UBE3B: variants seen among roughly 807,000 people sequenced by gnomAD.
UBE3B encodes ubiquitin-protein ligase E3B.
UBE3B carries 80 observed loss-of-function variants against 132.3 expected under a neutral mutation model. The observed-to-expected ratio is 0.60, with a 90% CI of 0.50 to 0.73. The LOEUF (loss-of-function observed/expected upper bound fraction) is 0.73. UBE3B is among the 30% of genes least tolerant of loss of function. The pLI, the probability that UBE3B is intolerant of heterozygous loss-of-function variation, is 0.00. For missense variants in UBE3B, 1,196 were observed against 1,362.5 expected, an observed-to-expected ratio of 0.88 and a Z score of 1.92; for synonymous variants, 487 against 520.4, an observed-to-expected ratio of 0.94 and a Z score of 0.87.
intron 18 of UBE3B, among the ~76,000 whole-genome samples, chr12:109,511,580 C>T (rs1388974411): frequency 6.6e-6 from 1 of 152,030 alleles, no homozygotes; most frequent in Non-Finnish European, 1.5e-5. Flanking sequence ...AAGGGTCCCA[C>T]GGGCAAAAGT....
At chr12:109,518,920 C>T (rs1881375927) in intron 19 of UBE3B, among the ~76,000 whole-genome samples, 1 of 152,128 alleles carries the variant, frequency 6.6e-6, no homozygotes, top group Admixed American at 6.5e-5. Flanking sequence ...AGCCCAGGGG[C>T]CTTTGCTGGA....
intron 13 of UBE3B, among the ~76,000 whole-genome samples, 190 bp from the exon 14 acceptor site, chr12:109,502,833 G>A (rs966637325): frequency 6.6e-6 from 1 of 152,308 alleles, no homozygotes; most frequent in Non-Finnish European, 1.5e-5. Context: ...AGATCTTTGG[G>A]TTGTACCTAA....
intron 18 of UBE3B, among the ~76,000 whole-genome samples, chr12:109,516,290 A>G (rs1333682625): frequency 5.5e-5 from 8 of 145,092 alleles, no homozygotes; most frequent in African/African-American, 1.5e-4. Context: ...TCCTGCCTCA[A>G]CCTCCCAAGT....
chr12:109,534,738 C>G lies in UBE3B; in HGVS notation c.3163C>G (p.Leu1055Val), dbSNP rs759788668. ...YSKKSVLREK[L>V]RYAISMNTGF... ...CAAGAAGAGCGTCCTCCGCGAGAAG[C>G]TGCGCTACGCCATCAGCATGAACAC... Residue 1055 changes from leucine (L) to valine (V), a missense_variant, in exon 28 of 28, where the codon CTG becomes GTG. Transcript: ENST00000342494. This position sits in a 1 kb window ranked among gnomAD's most constrained non-coding sequence, Gnocchi z 5.2. The G allele has an allele frequency of 6.3e-7, 1 of 1,591,504 alleles. No homozygotes were observed. Among genetic ancestry groups the G allele is most frequent in the South Asian group, 1.1e-5 (1 of 87,382 alleles).
chr12:109,490,521 C>T, intron 8 of UBE3B: 1 of 1,536,032 alleles, frequency 6.5e-7, no homozygotes, highest in Non-Finnish European at 8.7e-7. Flanking sequence ...GATTTGGTTT[C>T]ATATGCTCCT....
chr12:109,500,339 A>G (rs756382904), intron 12 of UBE3B, among the ~76,000 whole-genome samples: 2 of 152,192 alleles, frequency 1.3e-5, no homozygotes, highest in Non-Finnish European at 2.9e-5. Flanking sequence ...TGAAATATCT[A>G]CCTGAGCTGA....
chr12:109,509,238 A>G (rs770214667), intron 15 of UBE3B: 20 of 154,892 alleles, frequency 1.3e-4, no homozygotes, highest in Non-Finnish European at 2.1e-4. Flanking sequence ...CCTAGACATC[A>G]TATCATTTTT....
At chr12:109,544,856 C>T in the UBE3B span, among the ~76,000 whole-genome samples, 1 of 152,184 alleles carries the variant, frequency 6.6e-6, no homozygotes, top group Non-Finnish European at 1.5e-5. Context: ...ACAGATTTTG[C>T]GAAATAAACT....
intron 23 of UBE3B, among the ~76,000 whole-genome samples, chr12:109,524,757 C>A (rs1882132324): frequency 6.6e-6 from 1 of 152,076 alleles, no homozygotes; most frequent in Admixed American, 6.6e-5. Flanking sequence ...GGTAATTCCC[C>A]ATTTGTAACA....
chr12:109,516,468 C>T (rs12231062), intron 18 of UBE3B, among the ~76,000 whole-genome samples: 12,130 of 152,158 alleles, frequency 0.08, 1,091 homozygotes, highest in African/African-American at 0.22. Flanking sequence ...TGAGCCCCCA[C>T]GCCCAGCCTT....
At chr12:109,494,597 C>T (rs570266117) in intron 9 of UBE3B, among the ~76,000 whole-genome samples, 23 of 152,336 alleles carry the variant, frequency 1.5e-4, no homozygotes, top group Middle Eastern at 3.4e-3. Context: ...GTAAGCAGTG[C>T]ACTTATAGAC....
At position 109,490,024 on chromosome 12, in the gene UBE3B, C is replaced by G. The variant is rs1566078252; in HGVS notation, c.630+20C>G. The G allele has an allele frequency of 6.2e-7, 1 of 1,609,808 alleles. No homozygotes were observed. The highest frequency in any genetic ancestry group is 1.7e-5 in the Admixed American group (1 of 60,024). On this transcript the variant is annotated intron_variant, in intron 8 of 27. Coordinates refer to ENST00000342494, the MANE Select transcript of UBE3B (RefSeq NM_130466.4). ...CTGCAGGTCTGTGACTCCTGCCCCC[C>G]AGTGTGCAACTTCTCCACTCTCCAA...
intron 12 of UBE3B, among the ~76,000 whole-genome samples, chr12:109,501,131 A>G (rs575931932): frequency 7.9e-5 from 12 of 152,240 alleles, no homozygotes; most frequent in African/African-American, 2.6e-4. Context: ...GAAGAGTGTG[A>G]CTCATGGAGC....
chr12:109,533,837 T>C (rs756250265), intron 27 of UBE3B: 3 of 1,089,406 alleles, frequency 2.8e-6, no homozygotes, highest in Non-Finnish European at 3.9e-6. Context: ...CTGTTTTTAG[T>C]GGCGTCTGGC....
At chr12:109,481,503 A>G (rs1875428872) in intron 1 of UBE3B, 134 bp from the exon 2 acceptor site, 1 of 152,196 alleles carries the variant, frequency 6.6e-6, no homozygotes, top group Non-Finnish European at 1.5e-5. Flanking sequence ...GACATTAAAT[A>G]AAGAGGACCC....
chr12:109,525,966 C>T (rs1882288913), intron 23 of UBE3B, among the ~76,000 whole-genome samples: 1 of 152,164 alleles, frequency 6.6e-6, no homozygotes, highest in African/African-American at 2.4e-5. Context: ...GTTGTTACAT[C>T]AGTGGCCTTT....
At chr12:109,486,448 A>T in intron 5 of UBE3B, 23 bp from the exon 6 acceptor site, 2 of 1,567,354 alleles carry the variant, frequency 1.3e-6, no homozygotes, top group Non-Finnish European at 8.7e-7. Context: ...AGCCCATGAC[A>T]TTCCTCTTTT....
chr12:109,523,085 A>G (rs1192155853), intron 21 of UBE3B, among the ~76,000 whole-genome samples: 2 of 152,124 alleles, frequency 1.3e-5, no homozygotes, highest in Non-Finnish European at 2.9e-5. Context: ...ACGAGAGAAG[A>G]TGGGACCTGC....
At chr12:109,479,674 G>C (rs1354002941) in intron 1 of UBE3B, among the ~76,000 whole-genome samples, 2 of 152,166 alleles carry the variant, frequency 1.3e-5, no homozygotes, top group African/African-American at 2.4e-5. Context: ...AGGTATATAG[G>C]AAAGGATGAG....
Sources: allele counts gnomAD v4.1 joint callset (sites outside exome capture counted in the v4.1 genomes callset), GRCh38; gene constraint gnomAD v4.1.1; non-coding constraint Gnocchi (gnomAD v3.1); transcripts MANE v1.5; gene names NCBI Gene and HGNC (gene_info 2026-07-23, HGNC 2026-07-21).